IFT52: variants seen among roughly 807,000 people sequenced by gnomAD.
IFT52 encodes the protein intraflagellar transport protein 52 homolog.
In IFT52, 44 loss-of-function variants were observed where a neutral mutation model predicts 54.4. The ratio of observed to expected loss-of-function variants is 0.81; its 90% CI spans 0.63 to 1.04. IFT52 has a LOEUF of 1.04. IFT52 is among the 50% of genes least tolerant of loss of function. The probability of loss-of-function intolerance (pLI) is 0.00; values close to 1 mark genes in which losing one functional copy is unlikely to be tolerated. For synonymous variants in IFT52, 181 were observed against 185.3 expected (o/e 0.98, Z 0.19); for missense variants, 452 against 523.6 (o/e 0.86, Z 1.33).
At chr20:43,617,430 C>CTTGT (rs1337458174) in intron 7 of IFT52, among the ~76,000 whole-genome samples, 2 of 141,144 alleles carry the variant, frequency 1.4e-5, no homozygotes, top group Non-Finnish European at 3.0e-5. Flanking sequence ...CTCTCTCATG[C>CTTGT]TTGTGCCTTA....
At chr20:43,616,032 A>G (rs187472807) in intron 7 of IFT52, among the ~76,000 whole-genome samples, 11 of 152,238 alleles carry the variant, frequency 7.2e-5, no homozygotes, top group South Asian at 4.1e-4. Context: ...TTTTTTACCA[A>G]TTTTTTAAAA....
intron 6 of IFT52, among the ~76,000 whole-genome samples, chr20:43,605,619 T>C (rs190009742): frequency 2.6e-5 from 4 of 152,230 alleles, no homozygotes; most frequent in Non-Finnish European, 5.9e-5. Context: ...GGTGAGTACC[T>C]CTTCATTTTT....
rs1024279707 is a variant in IFT52 at position 43,620,990 on chromosome 20, C to T, written c.768+65C>T. ...AGTCCAGCTTCTCAGTACCACTTCT[C>T]ACAGCTCAAAAGGAATACATGACTG... On this transcript the variant is annotated intron_variant, in intron 9 of 13. Coordinates refer to ENST00000373030, the MANE Select transcript of IFT52 (RefSeq NM_016004.5). 5.6e-5 allele frequency: 64 copies of T among 1,134,972 alleles called. No individual in the cohort carries two copies. The African/African-American group carries it at 8.6e-4, about 15-fold the overall frequency. 70.3% of individuals were successfully genotyped at this position (1,134,972 alleles called of 1,614,324 possible). A position where few individuals can be genotyped will look rare whatever the true frequency, so the allele number is the denominator to read the frequency against.
chr20:43,604,239 T>C lies in IFT52; in HGVS notation c.394T>C (p.Ser132Pro). Residue 132 changes from serine (S) to proline (P), a missense_variant, in exon 5 of 14, where the codon TCC (serine) becomes CCC (proline). Transcript: ENST00000373030. Reference protein sequence around the residue: ...KYFHPKEALVSSGVLNREISR... With the variant: ...KYFHPKEALVPSGVLNREISR... ...TTTCCATCCTAAAGAAGCTCTAGTT[T>C]CCAGTGGAGTCTTGAACAGGTAAGC... is the stretch of plus-strand genomic sequence containing the variant. 4 of 1,610,828 alleles carry C rather than the reference T, an allele frequency of 2.5e-6. No homozygotes were observed. The highest frequency in any genetic ancestry group is 3.4e-6 in the Non-Finnish European group (4 of 1,177,038).
intron 3 of IFT52, among the ~76,000 whole-genome samples, chr20:43,602,792 T>A (rs1245366254): frequency 6.6e-6 from 1 of 151,972 alleles, no homozygotes; most frequent in Non-Finnish European, 1.5e-5. Context: ...TTTTATACAG[T>A]GTGGGGAAGG....
intron 6 of IFT52, among the ~76,000 whole-genome samples, chr20:43,612,631 G>A (rs372625341): frequency 4.1e-4 from 63 of 152,214 alleles, no homozygotes; most frequent in African/African-American, 1.4e-3. Flanking sequence ...GATTGAGGCT[G>A]CAGTGAGCCA....
rs186759945 is a variant in IFT52, at chr20:43,644,392, G to T, written c.1266+1768G>T. The stretch of plus-strand genomic sequence containing the variant: ...GAATACGTACAGATTTATCAACCAG[G>T]ATTCTCAGTGCCACATTATTTTATA... On this transcript the variant is annotated intron_variant, in intron 13 of 13. Transcript: ENST00000373030. Among the ~76,000 whole-genome samples the T allele has an allele frequency of 6.6e-3, 389 of 59,064 alleles. 155 individuals carry two copies. Among genetic ancestry groups the T allele is most frequent in the African/African-American group, 0.018 (369 of 20,568 alleles). 38.7% of individuals were successfully genotyped at this position (59,064 alleles called of 152,430 possible).
chr20:43,646,256 A>G (rs948329345), intron 13 of IFT52, among the ~76,000 whole-genome samples: 3 of 152,176 alleles, frequency 2.0e-5, no homozygotes, highest in Non-Finnish European at 4.4e-5. Flanking sequence ...TTTTGCAGCA[A>G]AAAAAGAGTG....
chr20:43,631,547 G>A (rs1985171624), intron 10 of IFT52, among the ~76,000 whole-genome samples: 1 of 152,176 alleles, frequency 6.6e-6, no homozygotes, highest in Non-Finnish European at 1.5e-5. Context: ...ATTTAAACTG[G>A]ATGACAATAT....
At chr20:43,600,868 G>A (rs1982388418) in intron 3 of IFT52, among the ~76,000 whole-genome samples, 1 of 152,036 alleles carries the variant, frequency 6.6e-6, no homozygotes, top group African/African-American at 2.4e-5. Context: ...CTACTCAGGA[G>A]GCTGAGGCAG....
chr20:43,594,302 C>A (rs768412391), intron 1 of IFT52, among the ~76,000 whole-genome samples: 1 of 151,858 alleles, frequency 6.6e-6, no homozygotes, highest in East Asian at 1.9e-4. Flanking sequence ...AGCAAGACTC[C>A]GTCTCAAAAA....
At chr20:43,639,426 A>G (rs185635249) in intron 12 of IFT52, among the ~76,000 whole-genome samples, 13 of 151,992 alleles carry the variant, frequency 8.6e-5, no homozygotes, top group Middle Eastern at 3.4e-3. Context: ...ATCCCGGCAC[A>G]TTGGGAGGCC....
intron 11 of IFT52, among the ~76,000 whole-genome samples, chr20:43,636,653 G>A (rs189526041): frequency 8.6e-4 from 131 of 152,278 alleles, no homozygotes; most frequent in Non-Finnish European, 1.3e-3. Context: ...GTGACTCCAG[G>A]TTCAATACTT....
rs758573186 is a variant in IFT52, at chr20:43,603,774, G to A, written c.222G>A (p.Lys74=). ...CCTTTGTGTAGTTTGAAATCCTGAA[G>A]AAATATCTTGACACTGGTGGAGATG... ...KFTAAEFEIL[K]KYLDTGGDVF... Residue 74 remains lysine, a synonymous_variant, in exon 4 of 14, where the codon AAG becomes AAA. Transcript: ENST00000373030. 1 of 1,612,036 alleles carries A rather than the reference G, an allele frequency of 6.2e-7. No individual in the cohort carries two copies. Among genetic ancestry groups the A allele is most frequent in the Non-Finnish European group, 8.5e-7 (1 of 1,179,304 alleles).
intron 6 of IFT52, among the ~76,000 whole-genome samples, chr20:43,613,069 T>C (rs1246207145): frequency 6.6e-6 from 1 of 152,194 alleles, no homozygotes; most frequent in Non-Finnish European, 1.5e-5. Context: ...GACAAGTCTT[T>C]GTTAGGACAG....
At chr20:43,632,112 A>G (rs1420988495) in intron 10 of IFT52, among the ~76,000 whole-genome samples, 1 of 150,094 alleles carries the variant, frequency 6.7e-6, no homozygotes, top group African/African-American at 2.5e-5. Context: ...TTTAGTAGAG[A>G]CGGGGTTTCT....
intron 6 of IFT52, among the ~76,000 whole-genome samples, chr20:43,605,581 T>G (rs1451348170): frequency 2.0e-5 from 3 of 147,320 alleles, no homozygotes; most frequent in Admixed American, 1.4e-4. Flanking sequence ...GATTTCTAGG[T>G]TTTTTTTTTT....
chr20:43,639,936 G>C lies in IFT52; in HGVS notation c.1121-2543G>C, dbSNP rs564802922. Among the ~76,000 whole-genome samples, 6 of 152,232 alleles carry C rather than the reference G, an allele frequency of 3.9e-5. No individual in the cohort carries two copies. In the South Asian group the frequency reaches 1.2e-3, roughly 32 times the overall value. On this transcript the variant is annotated intron_variant, in intron 12 of 13. Transcript: ENST00000373030. ...CACACCTATAATCCCAGCACTTTAG[G>C]AGGCTGAGGCAAGAGGATCACTTGA...
intron 6 of IFT52, among the ~76,000 whole-genome samples, chr20:43,607,255 CG>C (rs1387207179): frequency 4.2e-5 from 6 of 141,206 alleles, no homozygotes; most frequent in Admixed American, 6.8e-5. Context: ...GCTGGCCGGG[CG>C]GGGGGCTGAC....
Sources: gnomAD v4.1 joint callset for allele counts (sites outside exome capture counted in the v4.1 genomes callset) on GRCh38, gnomAD v4.1.1 for gene constraint, MANE v1.5 for transcripts, NCBI Gene and HGNC (gene_info 2026-07-23, HGNC 2026-07-21) for gene names.